CHRM3: variants seen among roughly 807,000 people sequenced by gnomAD.
The protein encoded by CHRM3 is muscarinic acetylcholine receptor M3.
A neutral mutation model predicts 41.8 loss-of-function variants in CHRM3; 11 were observed. That is an observed-to-expected ratio of 0.26 (90% confidence interval 0.17 to 0.44). CHRM3 has a LOEUF of 0.44. CHRM3 is among the 20% of genes least tolerant of loss of function. CHRM3 has a pLI of 1.00. For missense variants in CHRM3, 571 were observed against 745.4 expected (o/e 0.77, Z 2.72); for synonymous variants, 297 against 301.4 (o/e 0.99, Z 0.15).
At chr1:239,860,845 C>T (rs925814499) in intron 6 of CHRM3, among the ~76,000 whole-genome samples, 2 of 152,096 alleles carry the variant, frequency 1.3e-5, no homozygotes, top group African/African-American at 2.4e-5. Flanking sequence ...GCCAAATATA[C>T]CAGTAGTTTA....
At chr1:239,744,148 C>G (rs1572158656) in intron 5 of CHRM3, among the ~76,000 whole-genome samples, 1 of 151,850 alleles carries the variant, frequency 6.6e-6, no homozygotes, top group East Asian at 1.9e-4. Context: ...ATAACTACTT[C>G]ATTCAACATG....
rs144743212 is a variant in CHRM3 at position 239,413,260 on chromosome 1, T to C, written c.-521+26033T>C. 6.4e-3 allele frequency among the ~76,000 whole-genome samples: 980 copies of C among 152,204 alleles called. 7 individuals are homozygous for C. Among genetic ancestry groups the C allele is most frequent in the Middle Eastern group, 0.024 (7 of 294 alleles). On this transcript the variant is annotated intron_variant, in intron 1 of 6. Coordinates refer to ENST00000676153, the MANE Select transcript of CHRM3 (RefSeq NM_001375978.1). ...TGAAGGTGGGAAGTGAATCATAATC[T>C]GGATTCAAATCATGTATTGGTGCCA...
In CHRM3 at chr1:239,603,760, G is replaced by A. The variant is rs531288354; in HGVS notation, c.-312-28464G>A. Among the ~76,000 whole-genome samples the A allele has an allele frequency of 2.0e-5, 3 of 152,054 alleles. No individual in the cohort carries two copies. In the South Asian group the frequency reaches 6.2e-4, roughly 32 times the overall value. ...CATGAGTGCGTGGGTGTTAATAAAT[G>A]CACACACATTATGGACAGTTTACAG... is the stretch of plus-strand genomic sequence containing the variant. On this transcript the variant is annotated intron_variant, in intron 3 of 6. Coordinates refer to ENST00000676153, the MANE Select transcript of CHRM3 (RefSeq NM_001375978.1).
chr1:239,749,804 G>A (rs900158623), intron 5 of CHRM3, among the ~76,000 whole-genome samples: 2 of 152,184 alleles, frequency 1.3e-5, no homozygotes, highest in African/African-American at 2.4e-5. Context: ...AGTTTCTCTT[G>A]TAAAAGACAT....
chr1:239,790,963 CA>C (rs1306254114), intron 5 of CHRM3, among the ~76,000 whole-genome samples: 41 of 144,632 alleles, frequency 2.8e-4, no homozygotes, highest in African/African-American at 1.0e-3. Context: ...CACAGAAAAA[CA>C]AGAGAGATTT....
intron 5 of CHRM3, among the ~76,000 whole-genome samples, chr1:239,688,539 T>A (rs181377122): frequency 7.2e-6 from 1 of 138,242 alleles, no homozygotes; most frequent in South Asian, 2.1e-4. Flanking sequence ...TTACATATAT[T>A]CCCATTTATT....
intron 2 of CHRM3, among the ~76,000 whole-genome samples, chr1:239,493,711 C>A (rs150413846): frequency 6.6e-6 from 1 of 152,252 alleles, no homozygotes; most frequent in East Asian, 1.9e-4. Flanking sequence ...AGAATTCAGA[C>A]CCTAGGCATT....
chr1:239,715,734 A>T (rs1431473728), intron 5 of CHRM3, among the ~76,000 whole-genome samples: 1 of 152,132 alleles, frequency 6.6e-6, no homozygotes, highest in Non-Finnish European at 1.5e-5. Flanking sequence ...TGGGTGGCAA[A>T]GAGTTAGGCT....
At chr1:239,445,180 G>T (rs1664034867) in intron 1 of CHRM3, among the ~76,000 whole-genome samples, 1 of 152,186 alleles carries the variant, frequency 6.6e-6, no homozygotes, top group Admixed American at 6.5e-5. Flanking sequence ...TGGCAGAGGA[G>T]AAAGAATGAA....
At chr1:239,869,495 G>A (rs1245296843) in intron 6 of CHRM3, among the ~76,000 whole-genome samples, 1 of 152,180 alleles carries the variant, frequency 6.6e-6, no homozygotes, top group East Asian at 1.9e-4. Context: ...TTCCCTGGTG[G>A]AGGTAAGCCT....
At chr1:239,786,695 C>T (rs114924694) in intron 5 of CHRM3, among the ~76,000 whole-genome samples, 4,819 of 151,090 alleles carry the variant, frequency 0.032, 94 homozygotes, top group Non-Finnish European at 0.037. Flanking sequence ...CGCAGGGTGC[C>T]GAGGGCAGGC....
At chr1:239,435,205 A>G (rs1409993092) in intron 1 of CHRM3, among the ~76,000 whole-genome samples, 1 of 152,068 alleles carries the variant, frequency 6.6e-6, no homozygotes, top group Non-Finnish European at 1.5e-5. Context: ...TAATCCCAGC[A>G]CTTCGGGAGG....
rs1030281549 is a variant in CHRM3 at position 239,803,186 on chromosome 1, G to A, written c.-146-24066G>A. 7.9e-5 allele frequency among the ~76,000 whole-genome samples: 12 copies of A among 152,220 alleles called. 2 individuals carry two copies. Among genetic ancestry groups the A allele is most frequent in the Admixed American group, 5.2e-4 (8 of 15,300 alleles). Reference sequence around the variant, plus strand: ...TGAACAAGGAGGTTAGGAAACATTCGCGTGTCTTATCTCCTTTCTAGTTTG... The same window carrying A: ...TGAACAAGGAGGTTAGGAAACATTCACGTGTCTTATCTCCTTTCTAGTTTG... On this transcript the variant is annotated intron_variant, in intron 5 of 6. Transcript: ENST00000676153.
chr1:239,904,569 A>C (rs1181508933), intron 6 of CHRM3, among the ~76,000 whole-genome samples: 1 of 152,200 alleles, frequency 6.6e-6, no homozygotes, highest in Non-Finnish European at 1.5e-5. Context: ...CTTGGAAGAA[A>C]TCCTGAATGT....
At chr1:239,454,531 A>G (rs10925888) in intron 1 of CHRM3, among the ~76,000 whole-genome samples, 56,767 of 150,748 alleles carry the variant, frequency 0.38, 12,203 homozygotes, top group East Asian at 0.59. Flanking sequence ...ACCATTGGCC[A>G]TTGGTGATCA....
chr1:239,485,489 G>T (rs1052971709), intron 1 of CHRM3, among the ~76,000 whole-genome samples: 1 of 152,000 alleles, frequency 6.6e-6, no homozygotes, highest in Non-Finnish European at 1.5e-5. Flanking sequence ...TCACTATATT[G>T]CCCAGGCTAG....
chr1:239,447,395 T>A (rs1051490871), intron 1 of CHRM3, among the ~76,000 whole-genome samples: 1 of 151,848 alleles, frequency 6.6e-6, no homozygotes, highest in Non-Finnish European at 1.5e-5. Context: ...ATCTCAAGAA[T>A]GTGGGGAGAG....
intron 3 of CHRM3, among the ~76,000 whole-genome samples, chr1:239,588,472 T>A (rs1454555596): frequency 2.0e-5 from 3 of 152,208 alleles, no homozygotes; most frequent in Non-Finnish European, 4.4e-5. Flanking sequence ...ATAATCAAGC[T>A]CTTCATAGAA....
chr1:239,472,048 C>T (rs997806488), intron 1 of CHRM3, among the ~76,000 whole-genome samples: 3 of 152,122 alleles, frequency 2.0e-5, no homozygotes, highest in African/African-American at 7.2e-5. Flanking sequence ...CAGCAGAAAA[C>T]TTCCTGGCAT....
Sources: gnomAD v4.1 joint callset for allele counts (sites outside exome capture counted in the v4.1 genomes callset) on GRCh38, gnomAD v4.1.1 for gene constraint, MANE v1.5 for transcripts, NCBI Gene and HGNC (gene_info 2026-07-23, HGNC 2026-07-21) for gene names.